PARD6G: variants seen among roughly 807,000 people sequenced by gnomAD.
PARD6G encodes the protein partitioning defective 6 homolog gamma.
In PARD6G, 7 loss-of-function variants were observed where a neutral mutation model predicts 10.7. The observed-to-expected ratio is 0.66, with a 90% CI of 0.37 to 1.23. The LOEUF (loss-of-function observed/expected upper bound fraction) is 1.23, where lower values mean the gene tolerates loss of function less well. PARD6G is among the 50% of genes most tolerant of loss of function. The pLI is 0.02. For missense variants in PARD6G, 548 were observed against 571.8 expected, an observed-to-expected ratio of 0.96 and a Z score of 0.42; for synonymous variants, 287 against 269.4, an observed-to-expected ratio of 1.07 and a Z score of -0.64.
chr18:80,243,354 A>G (rs575377990), intron 1 of PARD6G, among the ~76,000 whole-genome samples: 1 of 152,280 alleles, frequency 6.6e-6, no homozygotes, highest in African/African-American at 2.4e-5. Context: ...TGACATGCCT[A>G]TTTGACCCAA....
At chr18:80,190,003 A>C (rs997365982) in intron 2 of PARD6G, among the ~76,000 whole-genome samples, 1 of 152,120 alleles carries the variant, frequency 6.6e-6, no homozygotes, top group Non-Finnish European at 1.5e-5. Context: ...TCATCACCCC[A>C]AAAAGAAACC....
intron 1 of PARD6G, among the ~76,000 whole-genome samples, chr18:80,233,909 T>TTAGGAGGAGCGGAGAGATTCACACA (rs1967388696): frequency 1.3e-5 from 2 of 152,104 alleles, no homozygotes; most frequent in South Asian, 4.2e-4. Context: ...AGGCAGGCTT[T>TTAGGAGGAGCGGAGAGATTCACACA]TAGGAGGAGC....
chr18:80,165,762 C>G (rs72978371), intron 2 of PARD6G, among the ~76,000 whole-genome samples: 79 of 152,278 alleles, frequency 5.2e-4, no homozygotes, highest in Non-Finnish European at 9.4e-4. Flanking sequence ...GAACTGTTAA[C>G]CTCCAGGAAG....
intron 1 of PARD6G, among the ~76,000 whole-genome samples, chr18:80,240,191 T>C (rs78424419): frequency 0.025 from 3,870 of 152,300 alleles, 157 homozygotes; most frequent in African/African-American, 0.088. Context: ...CATGAGGTTT[T>C]GATGGTCAAA....
chr18:80,159,776 G>A lies in PARD6G; in HGVS notation c.1126C>T (p.Leu376Phe), dbSNP rs2145237242. Residue 376 changes from leucine (L) to phenylalanine (F), a missense_variant, in exon 3 of 3, where the codon CTC becomes TTC. Physicochemically the swap from Leu to Phe is conservative, Grantham distance 22 (BLOSUM62 0). Coordinates refer to ENST00000353265, the MANE Select transcript of PARD6G (RefSeq NM_032510.4). ...TTTGGGGGCCTCTCGGGAGTCTAGA[G>A]CGTGACCGCGGGCCCGTGCTCCTCC... is the stretch of plus-strand genomic sequence containing the variant. ...GVEEHGPAVT[L>F] 4.2e-6 allele frequency: 6 copies of A among 1,426,074 alleles called. No homozygotes were observed. The highest frequency in any genetic ancestry group is 3.0e-5 in the East Asian group (1 of 33,880). 88.3% of individuals were successfully genotyped at this position (1,426,074 alleles called of 1,614,324 possible).
At position 80,175,757 on chromosome 18, in the gene PARD6G, GAAC is replaced by G. The variant is rs2052804769; in HGVS notation, c.296-15154_296-15152del. On this transcript the variant is annotated intron_variant, in intron 2 of 2. Coordinates refer to ENST00000353265, the MANE Select transcript of PARD6G (RefSeq NM_032510.4). This position sits in a 1 kb window ranked among gnomAD's most constrained non-coding sequence, Gnocchi z 6.7. ...CACCATCACAAAAAAACACCACAGC[GAAC>G]AACCACACAGACCCGCCACTGAGCA... The G allele has an allele frequency of 6.1e-6, 1 of 164,620 alleles. No homozygotes were observed. Among genetic ancestry groups the G allele is most frequent in the Non-Finnish European group, 1.5e-5 (1 of 68,108 alleles). 10.2% of individuals were successfully genotyped at this position (164,620 alleles called of 1,614,324 possible). A position where few individuals can be genotyped will look rare whatever the true frequency, so the allele number is the denominator to read the frequency against.
chr18:80,203,801 G>T (rs1304396447), intron 1 of PARD6G, among the ~76,000 whole-genome samples: 25 of 152,132 alleles, frequency 1.6e-4, no homozygotes, highest in African/African-American at 6.0e-4. Flanking sequence ...CATTTGATTT[G>T]TACTTTAGTA....
intron 1 of PARD6G, among the ~76,000 whole-genome samples, chr18:80,245,803 T>G (rs1967538251): frequency 6.6e-6 from 1 of 151,806 alleles, no homozygotes; most frequent in Non-Finnish European, 1.5e-5. Flanking sequence ...CTGGCACACT[T>G]GATTTGGGGG....
At chr18:80,217,765 C>CT (rs1967185416) in intron 1 of PARD6G, among the ~76,000 whole-genome samples, 1 of 152,174 alleles carries the variant, frequency 6.6e-6, no homozygotes. Context: ...TCTCATGCTG[C>CT]TATAAGGACA....
At chr18:80,218,957 G>A (rs566354928) in intron 1 of PARD6G, among the ~76,000 whole-genome samples, 25 of 152,348 alleles carry the variant, frequency 1.6e-4, no homozygotes, top group East Asian at 3.9e-4. Flanking sequence ...CCTTTTAGCC[G>A]CGGCTGGAGT....
At position 80,231,016 on chromosome 18, in the gene PARD6G, G is replaced by A. The variant is rs1189308334; in HGVS notation, c.72+16261C>T. ...AGGGAATTTGGAAAAGACCTAAAGA[G>A]CTACAGTGATGGGAGAGAGAATTCC... is the stretch of plus-strand genomic sequence containing the variant. On this transcript the variant is annotated intron_variant, in intron 1 of 2. Coordinates refer to ENST00000353265, the MANE Select transcript of PARD6G (RefSeq NM_032510.4). This position sits in a 1 kb window ranked among gnomAD's most constrained non-coding sequence, Gnocchi z 4.2. Among the ~76,000 whole-genome samples the A allele has an allele frequency of 6.6e-6, 1 of 152,222 alleles. No individual in the cohort carries two copies. Among genetic ancestry groups the A allele is most frequent in the Admixed American group, 6.5e-5 (1 of 15,284 alleles).
intron 2 of PARD6G, among the ~76,000 whole-genome samples, chr18:80,162,886 G>A (rs1311063260): frequency 1.3e-5 from 2 of 152,170 alleles, no homozygotes; most frequent in East Asian, 1.9e-4. Flanking sequence ...TCTGGCTGCT[G>A]CCGCAGGTTT....
At chr18:80,243,314 G>C (rs919298234) in intron 1 of PARD6G, among the ~76,000 whole-genome samples, 3 of 152,100 alleles carry the variant, frequency 2.0e-5, no homozygotes, top group African/African-American at 7.2e-5. Context: ...CGCAATACAT[G>C]ATAAGTTAGA....
chr18:80,163,644 C>T (rs747309471), intron 2 of PARD6G, among the ~76,000 whole-genome samples: 7 of 152,202 alleles, frequency 4.6e-5, no homozygotes, highest in African/African-American at 7.2e-5. Context: ...GTGCTCTGGC[C>T]GTGGTGCACG....
chr18:80,219,699 C>A (rs981555671), intron 1 of PARD6G, among the ~76,000 whole-genome samples: 3 of 152,140 alleles, frequency 2.0e-5, no homozygotes, highest in Non-Finnish European at 4.4e-5. Flanking sequence ...CAAGAGTGAC[C>A]TTTACTCCAG....
intron 1 of PARD6G, among the ~76,000 whole-genome samples, chr18:80,225,901 C>T (rs549902912): frequency 3.9e-5 from 6 of 152,244 alleles, no homozygotes; most frequent in South Asian, 2.1e-4. Flanking sequence ...GGCCGGCTCA[C>T]GAGGGCCCCA....
At chr18:80,230,439 C>T (rs150642054) in intron 1 of PARD6G, among the ~76,000 whole-genome samples, 7 of 152,282 alleles carry the variant, frequency 4.6e-5, no homozygotes, top group Non-Finnish European at 7.4e-5. Flanking sequence ...TGGGCTGACA[C>T]GTTGGGACGG....
intron 1 of PARD6G, among the ~76,000 whole-genome samples, chr18:80,235,610 T>C (rs1300286271): frequency 1.3e-5 from 2 of 152,072 alleles, no homozygotes; most frequent in Non-Finnish European, 2.9e-5. Flanking sequence ...GATAGACCGC[T>C]AGCAAGACTA....
chr18:80,209,696 C>T (rs1197410315), intron 1 of PARD6G, among the ~76,000 whole-genome samples: 2 of 152,148 alleles, frequency 1.3e-5, no homozygotes, highest in Non-Finnish European at 2.9e-5. Context: ...CCTGTAGTCT[C>T]AATCACTTGG....
Sources: allele counts gnomAD v4.1 joint callset (sites outside exome capture counted in the v4.1 genomes callset), GRCh38; gene constraint gnomAD v4.1.1; non-coding constraint Gnocchi (gnomAD v3.1); transcripts MANE v1.5; gene names NCBI Gene and HGNC (gene_info 2026-07-23, HGNC 2026-07-21).